The following STX12 variants were observed in gnomAD, a reference collection of about 807,000 sequenced individuals.
STX12 encodes syntaxin-12.
In STX12, 17 loss-of-function variants were observed where a neutral mutation model predicts 42.2. The ratio of observed to expected loss-of-function variants is 0.40; its 90% confidence interval spans 0.28 to 0.60. STX12 has a LOEUF of 0.60. Ranked by LOEUF, STX12 falls within the 20% of genes least tolerant of loss-of-function variation. The probability of loss-of-function intolerance (pLI) is 0.39; values close to 1 mark genes in which losing one functional copy is unlikely to be tolerated. For missense variants in STX12, 297 were observed against 330.9 expected (o/e 0.90, Z 0.79); for synonymous variants, 108 against 116.7 (o/e 0.93, Z 0.48).
intron 3 of STX12, among the ~76,000 whole-genome samples, chr1:27,797,525 G>C (rs988006865): frequency 6.6e-6 from 1 of 152,064 alleles, no homozygotes; most frequent in Admixed American, 6.6e-5. Flanking sequence ...CATGCCCCAA[G>C]GTTGTGCCAT....
Position 27,805,115 on chromosome 1 carries a change from C to T in STX12, c.426+3300C>T, listed in dbSNP as rs1010376867. ...TGCTTCAGTTTTGTCCATCTGGTCT[C>T]GCCCTTGACACGTGGGGATTATTAC... is the stretch of plus-strand genomic sequence containing the variant. On this transcript the variant is annotated intron_variant, in intron 4 of 8. Coordinates refer to ENST00000373943, the MANE Select transcript of STX12 (RefSeq NM_177424.3). 3.0e-4 allele frequency among the ~76,000 whole-genome samples: 45 copies of T among 152,228 alleles called. 1 individual carries two copies. The highest frequency in any genetic ancestry group is 9.4e-4 in the African/African-American group (39 of 41,540).
rs1300807879 is a variant in STX12 at position 27,801,235 on chromosome 1, C to G, written c.289-443C>G. ...CCAACATGGCGAAACCCCATCTGTACTAAAAATACAATAAAAAATTAGCCA... is the reference window on the plus strand; with the variant it reads ...CCAACATGGCGAAACCCCATCTGTAGTAAAAATACAATAAAAAATTAGCCA... On this transcript the variant is annotated intron_variant, in intron 3 of 8. Transcript: ENST00000373943. Among the ~76,000 whole-genome samples, 6 of 152,062 alleles carry G rather than the reference C, an allele frequency of 3.9e-5. No homozygotes were observed. The East Asian group carries it at 1.2e-3, about 29-fold the overall frequency.
chr1:27,773,724 G>T (rs1571512770), intron 1 of STX12: 2 of 316,648 alleles, frequency 6.3e-6, no homozygotes, highest in East Asian at 1.3e-4. Flanking sequence ...GTGTCACCTC[G>T]AGAGCTGTGA....
At chr1:27,775,156 C>T (rs889313057) in intron 1 of STX12, among the ~76,000 whole-genome samples, 12 of 152,170 alleles carry the variant, frequency 7.9e-5, no homozygotes, top group Non-Finnish European at 8.8e-5. Context: ...ATTTTAATAT[C>T]TATTTGCGAA....
chr1:27,823,158 G>A lies in STX12; in HGVS notation c.*829G>A, dbSNP rs912676637. The A allele has an allele frequency of 6.6e-6, 1 of 151,908 alleles. No homozygotes were observed. Among genetic ancestry groups the A allele is most frequent in the East Asian group, 1.9e-4 (1 of 5,198 alleles). The allele number at this position is 151,908 out of a possible 1,614,324, so 9.4% of individuals were successfully genotyped here. A position where few individuals can be genotyped will look rare whatever the true frequency, so the allele number is the denominator to read the frequency against. On this transcript the variant is annotated 3_prime_UTR_variant, in exon 9 of 9. Transcript: ENST00000373943. ...GAATTGTTGGGAATGATTTAATCTT[G>A]TTGTTGTTGTTGTTGTTGTTCACTT...
chr1:27,822,083 G>C, intron 8 of STX12, 148 bp from the exon 9 acceptor site: 1 of 598,092 alleles, frequency 1.7e-6, no homozygotes, highest in South Asian at 2.0e-5. Flanking sequence ...GCTGACTTAA[G>C]ATTTCTGGGA....
intron 2 of STX12, among the ~76,000 whole-genome samples, chr1:27,792,052 ATATC>A (rs1197845009): frequency 1.4e-5 from 2 of 143,850 alleles, no homozygotes; most frequent in Non-Finnish European, 3.0e-5. Flanking sequence ...GTATATAAAT[ATATC>A]TATAATATAT....
intron 8 of STX12, chr1:27,819,953 C>A: frequency 2.2e-6 from 1 of 459,112 alleles, no homozygotes. Context: ...CTAGTAACTG[C>A]AAAGCTAACC....
At chr1:27,805,035 ATGT>A (rs2148604538) in intron 4 of STX12, among the ~76,000 whole-genome samples, 1 of 152,186 alleles carries the variant, frequency 6.6e-6, no homozygotes, top group Non-Finnish European at 1.5e-5. Context: ...AAACCATCAG[ATGT>A]TGTGAGAACT....
chr1:27,787,970 C>A (rs1013379398), intron 1 of STX12, among the ~76,000 whole-genome samples: 1 of 152,156 alleles, frequency 6.6e-6, no homozygotes, highest in African/African-American at 2.4e-5. Context: ...TCATTTTCTT[C>A]CACTGAACTA....
chr1:27,778,090 G>T (rs2088639056), intron 1 of STX12, among the ~76,000 whole-genome samples: 1 of 152,054 alleles, frequency 6.6e-6, no homozygotes, highest in African/African-American at 2.4e-5. Flanking sequence ...CACCCATACA[G>T]CCCTGCAAGG....
At chr1:27,806,864 G>A (rs1176439927) in intron 4 of STX12, among the ~76,000 whole-genome samples, 2 of 152,166 alleles carry the variant, frequency 1.3e-5, no homozygotes, top group African/African-American at 2.4e-5. Flanking sequence ...GAGAAAGAGA[G>A]TGCAGGGGAA....
At chr1:27,810,168 G>A in intron 4 of STX12, 78 bp from the exon 5 acceptor site, 1 of 1,336,006 alleles carries the variant, frequency 7.5e-7, no homozygotes, top group Non-Finnish European at 1.1e-6. Context: ...TCTTTATACT[G>A]TGCTAAGGAA....
chr1:27,790,318 A>G (rs2088731043), intron 2 of STX12, among the ~76,000 whole-genome samples: 1 of 152,180 alleles, frequency 6.6e-6, no homozygotes, highest in Non-Finnish European at 1.5e-5. Context: ...TGAAGAGCAA[A>G]ACAACAAAGC....
chr1:27,801,201 A>G (rs866860848), intron 3 of STX12, among the ~76,000 whole-genome samples: 3 of 152,114 alleles, frequency 2.0e-5, no homozygotes, highest in Admixed American at 6.6e-5. Context: ...GAGTTCTACA[A>G]TAGCCCGGCC....
At chr1:27,806,475 TGCA>T (rs2088863348) in intron 4 of STX12, among the ~76,000 whole-genome samples, 1 of 152,230 alleles carries the variant, frequency 6.6e-6, no homozygotes, top group Admixed American at 6.5e-5. Flanking sequence ...TATTTCTTTA[TGCA>T]GCAGAAGTAC....
rs1487551713 is a variant in STX12 at position 27,803,759 on chromosome 1, T to G, written c.426+1944T>G. 3.3e-5 allele frequency among the ~76,000 whole-genome samples: 5 copies of G among 152,194 alleles called. No homozygotes were observed. In the East Asian group the frequency reaches 9.6e-4, roughly 29 times the overall value. On this transcript the variant is annotated intron_variant, in intron 4 of 8. Transcript: ENST00000373943. ...TGGCTCACACCTGTAATCCCAGCAC[T>G]TTGGGAGGCCAAGGTGGGCAGATCA... is the stretch of plus-strand genomic sequence containing the variant.
At chr1:27,801,953 T>A in intron 4 of STX12, 138 bp downstream of exon 4, 1 of 939,536 alleles carries the variant, frequency 1.1e-6, no homozygotes, top group Non-Finnish European at 1.5e-6. Context: ...GTAACCTATG[T>A]AAAAAACATA....
chr1:27,783,902 A>G (rs2088684191), intron 1 of STX12, among the ~76,000 whole-genome samples: 1 of 151,806 alleles, frequency 6.6e-6, no homozygotes, highest in Admixed American at 6.6e-5. Context: ...CACTTGGCCA[A>G]GCGTGGTGGC....
Sources: gnomAD v4.1 joint callset for allele counts (sites outside exome capture counted in the v4.1 genomes callset) on GRCh38, gnomAD v4.1.1 for gene constraint, MANE v1.5 for transcripts, NCBI Gene and HGNC (gene_info 2026-07-23, HGNC 2026-07-21) for gene names.